Variants in LRRC4C observed in about 807,000 individuals in gnomAD.
LRRC4C encodes leucine-rich repeat-containing protein 4C.
LRRC4C carries 5 observed loss-of-function variants against 33.6 expected under a neutral mutation model. The ratio of observed to expected loss-of-function variants is 0.15; its 90% CI spans 0.08 to 0.31. LRRC4C has a LOEUF of 0.31. LRRC4C is among the 10% of genes least tolerant of loss of function. The probability of loss-of-function intolerance (pLI) is 1.00; values close to 1 mark genes in which losing one functional copy is unlikely to be tolerated. For missense variants in LRRC4C, 560 were observed against 796.7 expected (o/e 0.70, Z 3.58); for synonymous variants, 329 against 302.0 (o/e 1.09, Z -0.93).
intron 2 of LRRC4C, among the ~76,000 whole-genome samples, chr11:40,718,627 A>C (rs1946849936): frequency 6.6e-6 from 1 of 151,970 alleles, no homozygotes; most frequent in Non-Finnish European, 1.5e-5. Flanking sequence ...CAAAAATAAT[A>C]TGTTACTGCA....
At chr11:41,350,183 A>G (rs577701976) in intron 1 of LRRC4C, among the ~76,000 whole-genome samples, 3 of 152,318 alleles carry the variant, frequency 2.0e-5, no homozygotes, top group East Asian at 3.9e-4. Flanking sequence ...CCCAGAACAC[A>G]CTTTGAGAAC....
At chr11:40,734,174 G>A (rs1460890318) in intron 2 of LRRC4C, among the ~76,000 whole-genome samples, 4 of 151,960 alleles carry the variant, frequency 2.6e-5, no homozygotes, top group East Asian at 1.9e-4. Context: ...AAAAATATAG[G>A]GAGGTGAGTA....
intron 3 of LRRC4C, among the ~76,000 whole-genome samples, chr11:40,627,074 GTTTTT>G (rs33969300): frequency 1.8e-5 from 2 of 112,460 alleles, no homozygotes; most frequent in Non-Finnish European, 1.9e-5. Context: ...CAGCTATACT[GTTTTT>G]TTTTTTTTTT....
At chr11:40,444,618 A>G (rs1951548508) in intron 3 of LRRC4C, among the ~76,000 whole-genome samples, 1 of 152,118 alleles carries the variant, frequency 6.6e-6, no homozygotes, top group Non-Finnish European at 1.5e-5. Flanking sequence ...TTTGATATTT[A>G]TAAAGATTTA....
At chr11:41,439,945 G>A (rs1955560358) in intron 1 of LRRC4C, among the ~76,000 whole-genome samples, 1 of 152,158 alleles carries the variant, frequency 6.6e-6, no homozygotes, top group Non-Finnish European at 1.5e-5. Flanking sequence ...CATTCAGTAA[G>A]TTGTATGTTT....
intron 1 of LRRC4C, among the ~76,000 whole-genome samples, chr11:41,339,855 A>G (rs1425159345): frequency 6.6e-6 from 1 of 152,168 alleles, no homozygotes; most frequent in East Asian, 1.9e-4. Context: ...AAAAATCAAG[A>G]GTATTTCCTA....
At chr11:40,595,977 G>A (rs1263279502) in intron 3 of LRRC4C, among the ~76,000 whole-genome samples, 2 of 152,114 alleles carry the variant, frequency 1.3e-5, no homozygotes, top group East Asian at 3.9e-4. Context: ...TAGTTACAGA[G>A]TGCCTAAGAC....
chr11:40,231,053 A>G (rs1865160748), intron 5 of LRRC4C, among the ~76,000 whole-genome samples: 1 of 152,164 alleles, frequency 6.6e-6, no homozygotes. Flanking sequence ...ATAACAAGGA[A>G]TGAATGAGTA....
At chr11:40,933,437 A>T (rs1232015447) in intron 2 of LRRC4C, among the ~76,000 whole-genome samples, 198 bp downstream of exon 2, 1 of 152,240 alleles carries the variant, frequency 6.6e-6, no homozygotes, top group Non-Finnish European at 1.5e-5. Context: ...TATATGAAAC[A>T]ACGTTTCTTT....
chr11:40,945,249 T>C (rs969624057), intron 1 of LRRC4C, among the ~76,000 whole-genome samples: 3 of 150,542 alleles, frequency 2.0e-5, no homozygotes, highest in African/African-American at 7.3e-5. Flanking sequence ...CTCGATCTCC[T>C]GACCTCGTGA....
chr11:41,089,120 C>T (rs569337637), intron 1 of LRRC4C, among the ~76,000 whole-genome samples: 1 of 151,966 alleles, frequency 6.6e-6, no homozygotes, highest in East Asian at 1.9e-4. Flanking sequence ...AATGTAGGGT[C>T]CCCATAGACC....
At chr11:41,128,125 T>G (rs903399058) in intron 1 of LRRC4C, among the ~76,000 whole-genome samples, 4 of 152,072 alleles carry the variant, frequency 2.6e-5, no homozygotes, top group African/African-American at 9.7e-5. Context: ...CTTGGCTATG[T>G]TTTTGGGAAA....
chr11:40,609,550 G>A (rs1410003509), intron 3 of LRRC4C, among the ~76,000 whole-genome samples: 1 of 151,696 alleles, frequency 6.6e-6, no homozygotes, highest in African/African-American at 2.4e-5. Flanking sequence ...ACAAAATAAA[G>A]GTTAGAGCAG....
At chr11:40,599,877 G>A (rs1591237228) in intron 3 of LRRC4C, among the ~76,000 whole-genome samples, 1 of 152,192 alleles carries the variant, frequency 6.6e-6, no homozygotes. Flanking sequence ...TGCCTAGTGT[G>A]GTCCATGTCA....
intron 3 of LRRC4C, among the ~76,000 whole-genome samples, chr11:40,420,869 A>T (rs143169235): frequency 1.1e-4 from 16 of 152,318 alleles, no homozygotes; most frequent in Non-Finnish European, 2.2e-4. Flanking sequence ...CTTTTATATG[A>T]TAAGAACTAT....
At chr11:40,161,950 T>A (rs1859193431) in intron 5 of LRRC4C, among the ~76,000 whole-genome samples, 1 of 152,122 alleles carries the variant, frequency 6.6e-6, no homozygotes, top group African/African-American at 2.4e-5. Context: ...GTCTGGGTAA[T>A]GCATAAATAA....
intron 3 of LRRC4C, among the ~76,000 whole-genome samples, chr11:40,326,332 G>C (rs1429614537): frequency 6.6e-6 from 1 of 152,068 alleles, no homozygotes; most frequent in African/African-American, 2.4e-5. Flanking sequence ...GGGAGGCTGA[G>C]GTGGGTGGAT....
chr11:41,348,544 C>G (rs1406562064), intron 1 of LRRC4C, among the ~76,000 whole-genome samples: 1 of 151,412 alleles, frequency 6.6e-6, no homozygotes, highest in Non-Finnish European at 1.5e-5. Flanking sequence ...TGCCCTCGGG[C>G]GTGAAGCCAA....
intron 1 of LRRC4C, among the ~76,000 whole-genome samples, chr11:41,079,462 T>C (rs1052515820): frequency 5.3e-5 from 8 of 152,146 alleles, no homozygotes; most frequent in African/African-American, 1.9e-4. Flanking sequence ...TCCCAATAAA[T>C]TAAAAAATCT....
Sources: gnomAD v4.1 joint callset for allele counts (sites outside exome capture counted in the v4.1 genomes callset) on GRCh38, gnomAD v4.1.1 for gene constraint, MANE v1.5 for transcripts, NCBI Gene and HGNC (gene_info 2026-07-23, HGNC 2026-07-21) for gene names.